The following PRKACB variants were observed in gnomAD, a reference collection of about 807,000 sequenced individuals.
PRKACB encodes the protein protein kinase cAMP-activated catalytic subunit beta.
A neutral mutation model predicts 51.4 loss-of-function variants in PRKACB; 16 were observed. The ratio of observed to expected loss-of-function variants is 0.31; its 90% CI spans 0.21 to 0.47. The LOEUF is 0.47. Ranked by LOEUF, PRKACB falls within the 20% of genes least tolerant of loss-of-function variation. The pLI is 1.00. For missense variants in PRKACB, 309 were observed against 464.5 expected (o/e 0.67, Z 3.08); for synonymous variants, 147 against 154.4 (o/e 0.95, Z 0.35).
chr1:84,203,177 A>C (rs1670617679), intron 8 of PRKACB, among the ~76,000 whole-genome samples: 1 of 151,962 alleles, frequency 6.6e-6, no homozygotes, highest in African/African-American at 2.4e-5. Flanking sequence ...TTTTCAGGAG[A>C]GACTTCTTGT....
In PRKACB at chr1:84,235,308, A is replaced by T. The variant is rs1460716808; in HGVS notation, c.*3A>T. On this transcript the variant is annotated 3_prime_UTR_variant, in exon 10 of 10. Transcript: ENST00000370685. ...CAAAAGAATTTGGTGAATTTTAAAG[A>T]GGAACAAGATGACATCTGAGCTCAC... The T allele has an allele frequency of 1.2e-6, 2 of 1,613,928 alleles. No individual in the cohort carries two copies. Among genetic ancestry groups the T allele is most frequent in the Non-Finnish European group, 8.5e-7 (1 of 1,179,960 alleles).
At chr1:84,224,488 C>T (rs1217664301) in intron 9 of PRKACB, among the ~76,000 whole-genome samples, 1 of 152,182 alleles carries the variant, frequency 6.6e-6, no homozygotes, top group Non-Finnish European at 1.5e-5. Flanking sequence ...CCTAAACCCT[C>T]AGGTGGCATA....
chr1:84,145,088 C>G (rs1445736502), intron 1 of PRKACB, among the ~76,000 whole-genome samples: 1 of 151,928 alleles, frequency 6.6e-6, no homozygotes, highest in Non-Finnish European at 1.5e-5. Flanking sequence ...TTATGGATAT[C>G]AAAAACTTTA....
chr1:84,153,239 G>A (rs572336475), intron 1 of PRKACB, among the ~76,000 whole-genome samples: 18 of 151,916 alleles, frequency 1.2e-4, no homozygotes, highest in African/African-American at 2.2e-4. Flanking sequence ...AACACAGATC[G>A]CCATAACAGA....
intron 1 of PRKACB, chr1:84,164,857 A>G: frequency 1.4e-6 from 2 of 1,380,228 alleles, no homozygotes; most frequent in Non-Finnish European, 1.9e-6. Flanking sequence ...TTTTTAAAAC[A>G]AAAGAAAGCT....
intron 1 of PRKACB, among the ~76,000 whole-genome samples, chr1:84,103,112 T>C (rs1158211819): frequency 6.6e-6 from 1 of 152,186 alleles, no homozygotes; most frequent in Non-Finnish European, 1.5e-5. Flanking sequence ...TAAGGCTTCT[T>C]GGGGTCTTGG....
At chr1:84,229,279 G>T (rs1675184007) in intron 9 of PRKACB, among the ~76,000 whole-genome samples, 2 of 87,736 alleles carry the variant, frequency 2.3e-5, no homozygotes, top group African/African-American at 4.9e-5. Flanking sequence ...TTTTATGGCT[G>T]CATAGTATTC....
At chr1:84,159,573 T>C (rs1655931861) in intron 1 of PRKACB, among the ~76,000 whole-genome samples, 1 of 152,120 alleles carries the variant, frequency 6.6e-6, no homozygotes, top group Non-Finnish European at 1.5e-5. Flanking sequence ...TTATTTCTTC[T>C]TTATCCTTTA....
intron 1 of PRKACB, among the ~76,000 whole-genome samples, chr1:84,097,786 G>GA: frequency 1.3e-5 from 2 of 151,896 alleles, no homozygotes; most frequent in East Asian, 3.9e-4. Context: ...TAAAAGAAAA[G>GA]AAAAAACAAA....
chr1:84,097,501 A>T (rs1367471822), intron 1 of PRKACB, among the ~76,000 whole-genome samples: 1 of 152,030 alleles, frequency 6.6e-6, no homozygotes, highest in Non-Finnish European at 1.5e-5. Flanking sequence ...AACAGAACCA[A>T]TAGGAGGGGT....
chr1:84,208,789 T>G (rs1671718409), intron 8 of PRKACB, among the ~76,000 whole-genome samples: 1 of 152,202 alleles, frequency 6.6e-6, no homozygotes, highest in African/African-American at 2.4e-5. Flanking sequence ...ACATAATTTC[T>G]TTTCATACCT....
intron 1 of PRKACB, among the ~76,000 whole-genome samples, chr1:84,130,743 C>T (rs1458677281): frequency 1.3e-5 from 2 of 152,102 alleles, no homozygotes; most frequent in African/African-American, 4.8e-5. Flanking sequence ...AGAGATAATT[C>T]ATCAACAGCA....
chr1:84,233,371 T>A (rs1676075107), intron 9 of PRKACB, among the ~76,000 whole-genome samples: 1 of 146,866 alleles, frequency 6.8e-6, no homozygotes, highest in African/African-American at 2.5e-5. Context: ...TCAACTTTGG[T>A]GAATCTGACA....
rs953406353 is a variant in PRKACB at position 84,236,466 on chromosome 1, A to G, written c.*1161A>G. Reference sequence around the variant, plus strand: ...GGGCACTGCTGCAACTTCTGCTTTCATCCCATGCCTCATCAATGAGGAAAG... The same window carrying G: ...GGGCACTGCTGCAACTTCTGCTTTCGTCCCATGCCTCATCAATGAGGAAAG... On this transcript the variant is annotated 3_prime_UTR_variant, in exon 10 of 10. Transcript: ENST00000370685. The G allele has an allele frequency of 2.6e-5, 4 of 152,622 alleles. No homozygotes were observed. The highest frequency in any genetic ancestry group is 9.7e-5 in the African/African-American group (4 of 41,442). 9.5% of individuals were successfully genotyped at this position (152,622 alleles called of 1,614,324 possible). A position where few individuals can be genotyped will look rare whatever the true frequency, so the allele number is the denominator to read the frequency against.
intron 1 of PRKACB, among the ~76,000 whole-genome samples, chr1:84,115,886 C>CAAAAAAAAAA (rs60541006): frequency 1.6e-5 from 1 of 63,830 alleles, no homozygotes; most frequent in African/African-American, 6.9e-5. Context: ...ACTCTTGTCT[C>CAAAAAAAAAA]AAAAAAAAAA....
chr1:84,231,386 T>A (rs1267038229), intron 9 of PRKACB, among the ~76,000 whole-genome samples: 1 of 152,198 alleles, frequency 6.6e-6, no homozygotes, highest in African/African-American at 2.4e-5. Context: ...AATTCTCTTT[T>A]TTGGTTGTGT....
At chr1:84,182,101 A>G (rs1663699058) in intron 2 of PRKACB, 99 bp from the exon 3 acceptor site, 2 of 905,556 alleles carry the variant, frequency 2.2e-6, no homozygotes, top group Non-Finnish European at 3.0e-6. Flanking sequence ...GATAGTTATA[A>G]ATGGGATTAT....
At chr1:84,144,203 C>T (rs1653723017), upstream of PRKACB, 2 of 1,348,834 alleles carry the variant, frequency 1.5e-6, no homozygotes, top group African/African-American at 1.5e-5. Flanking sequence ...CAGTAATGTG[C>T]TGTTTTATAT....
intron 1 of PRKACB, among the ~76,000 whole-genome samples, chr1:84,081,756 C>T (rs1647553455): frequency 6.6e-6 from 1 of 152,138 alleles, no homozygotes; most frequent in Non-Finnish European, 1.5e-5. Context: ...TCCAGGTTGC[C>T]TATGGGGCTT....
Sources: gnomAD v4.1 joint callset for allele counts (sites outside exome capture counted in the v4.1 genomes callset) on GRCh38, gnomAD v4.1.1 for gene constraint, MANE v1.5 for transcripts, NCBI Gene and HGNC (gene_info 2026-07-23, HGNC 2026-07-21) for gene names.